The following BEND5 variants were observed in gnomAD, a reference collection of about 807,000 sequenced individuals.
BEND5 encodes the protein BEN domain-containing protein 5.
A neutral mutation model predicts 43.9 loss-of-function variants in BEND5; 22 were observed. That is an observed-to-expected ratio of 0.50 (90% CI 0.36 to 0.72). BEND5 has a LOEUF of 0.72. BEND5 is among the 30% of genes least tolerant of loss of function. The probability of loss-of-function intolerance (pLI) is 0.00; values close to 1 mark genes in which losing one functional copy is unlikely to be tolerated. For missense variants in BEND5, 428 were observed against 550.6 expected (o/e 0.78, Z 2.23); for synonymous variants, 228 against 225.9 (o/e 1.01, Z -0.08).
intron 4 of BEND5, among the ~76,000 whole-genome samples, chr1:48,737,923 G>T (rs963979395): frequency 6.6e-6 from 1 of 152,146 alleles, no homozygotes; most frequent in African/African-American, 2.4e-5. Flanking sequence ...GACATGAGAA[G>T]GACCTGCCAA....
Position 48,776,814 on chromosome 1 carries a change from C to G in BEND5, c.18G>C (p.Arg6=). The G allele has an allele frequency of 6.6e-7, 1 of 1,521,504 alleles. No individual in the cohort carries two copies. The highest frequency in any genetic ancestry group is 8.8e-7 in the Non-Finnish European group (1 of 1,135,486). The allele number at this position is 1,521,504 out of a possible 1,614,324, so 94.3% of individuals were successfully genotyped here. MYAFV[R]FLEDNVCYAL... ...CGTAGCAGACGTTGTCCTCCAGGAACCGCACAAAGGCGTACATGGTGGGCG... is the reference window on the plus strand; with the variant it reads ...CGTAGCAGACGTTGTCCTCCAGGAAGCGCACAAAGGCGTACATGGTGGGCG... Residue 6 remains arginine (R), a synonymous_variant, in exon 1 of 6, where the codon CGG becomes CGC. Transcript: ENST00000371833.
chr1:48,750,965 T>C lies in BEND5; in HGVS notation c.745+7935A>G, dbSNP rs1651641685. Reference sequence around the variant, plus strand: ...TGGCCAGCCTCTGGGACCTGCTGAATCCTGGCATCCAAACAAACATCCATC... The same window carrying C: ...TGGCCAGCCTCTGGGACCTGCTGAACCCTGGCATCCAAACAAACATCCATC... On this transcript the variant is annotated intron_variant, in intron 3 of 5. Coordinates refer to ENST00000371833, the MANE Select transcript of BEND5 (RefSeq NM_024603.4). 2.6e-5 allele frequency among the ~76,000 whole-genome samples: 4 copies of C among 152,312 alleles called. 1 individual carries two copies. In the South Asian group the frequency reaches 8.3e-4, roughly 32 times the overall value.
intron 3 of BEND5, among the ~76,000 whole-genome samples, chr1:48,749,316 C>T (rs988948336): frequency 3.9e-5 from 6 of 152,186 alleles, no homozygotes; most frequent in Admixed American, 1.3e-4. Flanking sequence ...ACATAAACAC[C>T]GAGGGGATGT....
intron 1 of BEND5, among the ~76,000 whole-genome samples, chr1:48,770,530 A>G (rs1030441073): frequency 6.6e-6 from 1 of 151,510 alleles, no homozygotes; most frequent in South Asian, 2.1e-4. Flanking sequence ...CTCACTCTGC[A>G]CTCTCTCCCA....
At chr1:48,758,210 T>G (rs1644049863) in intron 3 of BEND5, among the ~76,000 whole-genome samples, 1 of 152,214 alleles carries the variant, frequency 6.6e-6, no homozygotes, top group Admixed American at 6.5e-5. Context: ...TGCTCAAAGC[T>G]TTCTAATGCT....
At chr1:48,768,193 A>G (rs1002974245) in intron 1 of BEND5, among the ~76,000 whole-genome samples, 3 of 151,916 alleles carry the variant, frequency 2.0e-5, no homozygotes, top group African/African-American at 4.8e-5. Flanking sequence ...GAGTATGTCA[A>G]TATAACTTCC....
intron 3 of BEND5, among the ~76,000 whole-genome samples, chr1:48,752,990 C>T (rs1370885594): frequency 6.6e-6 from 1 of 152,146 alleles, no homozygotes; most frequent in Non-Finnish European, 1.5e-5. Context: ...CCTCGTGATC[C>T]GCCTGCCTCG....
chr1:48,773,531 G>A (rs1204166874), intron 1 of BEND5, among the ~76,000 whole-genome samples: 2 of 152,174 alleles, frequency 1.3e-5, no homozygotes, highest in Non-Finnish European at 2.9e-5. Flanking sequence ...GATGGTAATG[G>A]AGAAAGAGCA....
intron 1 of BEND5, among the ~76,000 whole-genome samples, chr1:48,763,578 G>A (rs1257739218): frequency 1.3e-5 from 2 of 152,098 alleles, no homozygotes; most frequent in Non-Finnish European, 2.9e-5. Flanking sequence ...CAAAGCTCCT[G>A]GACTAGTCTT....
chr1:48,745,302 C>A (rs1446487517), intron 3 of BEND5, among the ~76,000 whole-genome samples: 1 of 152,156 alleles, frequency 6.6e-6, no homozygotes, highest in African/African-American at 2.4e-5. Flanking sequence ...TGTCTGTAAT[C>A]TTTCTTGGAG....
chr1:48,739,960 G>A (rs780906672), intron 4 of BEND5, among the ~76,000 whole-genome samples: 5 of 152,328 alleles, frequency 3.3e-5, no homozygotes, highest in African/African-American at 1.2e-4. Context: ...CACAGTACAT[G>A]TCAGTGGGGA....
intron 5 of BEND5, among the ~76,000 whole-genome samples, chr1:48,728,421 A>C (rs1647539996): frequency 6.6e-6 from 1 of 151,422 alleles, no homozygotes; most frequent in Non-Finnish European, 1.5e-5. Flanking sequence ...CCTTAAATAA[A>C]ATAGTTTATT....
intron 1 of BEND5, among the ~76,000 whole-genome samples, chr1:48,768,562 A>G (rs183545393): frequency 1.1e-3 from 162 of 152,330 alleles, no homozygotes; most frequent in African/African-American, 3.8e-3. Flanking sequence ...AGGAAACCCA[A>G]TGCAAGTCTG....
At chr1:48,742,845 T>TATCA in intron 3 of BEND5, 74 bp from the exon 4 acceptor site, 2 of 1,405,314 alleles carry the variant, frequency 1.4e-6, no homozygotes, top group African/African-American at 1.5e-5. Context: ...ACTAGGCATC[T>TATCA]ATCAGCACAC....
intron 1 of BEND5, among the ~76,000 whole-genome samples, chr1:48,769,554 C>CACAA (rs1644704018): frequency 6.8e-6 from 1 of 147,440 alleles, no homozygotes; most frequent in Non-Finnish European, 1.5e-5. Flanking sequence ...CACACACACA[C>CACAA]ACACACACAC....
At chr1:48,746,217 T>C (rs1262489035) in intron 3 of BEND5, among the ~76,000 whole-genome samples, 1 of 152,226 alleles carries the variant, frequency 6.6e-6, no homozygotes, top group African/African-American at 2.4e-5. Context: ...TTTCAGAGTC[T>C]AGTACAGAGT....
chr1:48,743,036 T>A (rs1355520555), intron 3 of BEND5, among the ~76,000 whole-genome samples: 1 of 152,166 alleles, frequency 6.6e-6, no homozygotes, highest in African/African-American at 2.4e-5. Context: ...ATTGTCTAAA[T>A]GGAAAGGCAG....
chr1:48,749,714 C>A (rs533772483), intron 3 of BEND5, among the ~76,000 whole-genome samples: 7 of 152,216 alleles, frequency 4.6e-5, no homozygotes. Context: ...CCTCTAGAAG[C>A]TCTGAACTTA....
chr1:48,733,856 C>T (rs1648566820), intron 5 of BEND5, among the ~76,000 whole-genome samples: 1 of 152,120 alleles, frequency 6.6e-6, no homozygotes, highest in African/African-American at 2.4e-5. Context: ...TACTATGTGC[C>T]AGACACTATG....
Sources: allele counts gnomAD v4.1 joint callset (sites outside exome capture counted in the v4.1 genomes callset), GRCh38; gene constraint gnomAD v4.1.1; transcripts MANE v1.5; gene names NCBI Gene and HGNC (gene_info 2026-07-23, HGNC 2026-07-21).